Variants in WDR74 observed in about 807,000 individuals in gnomAD.
WDR74 encodes the protein WD repeat domain 74, also known as WD repeat-containing protein 74.
In WDR74, 31 loss-of-function variants were observed where a neutral mutation model predicts 45.6. The observed-to-expected ratio is 0.68, with a 90% confidence interval of 0.51 to 0.92. The LOEUF (loss-of-function observed/expected upper bound fraction) is 0.92, where lower values mean the gene tolerates loss of function less well. Among genes scored for constraint, WDR74 ranks in the 40% least tolerant of loss-of-function variants. The probability of loss-of-function intolerance (pLI) is 0.00; values close to 1 mark genes in which losing one functional copy is unlikely to be tolerated. For synonymous variants in WDR74, 191 were observed against 192.4 expected, an observed-to-expected ratio of 0.99 and a Z score of 0.06; for missense variants, 455 against 497.2, an observed-to-expected ratio of 0.92 and a Z score of 0.81.
At position 62,839,220 on chromosome 11, in the gene WDR74, C is replaced by T. The variant is rs764631164; in HGVS notation, c.187G>A (p.Ala63Thr). The part of the protein sequence containing the change: ...GGETQMLVGC[A>T]DRTVKHFSTE... Reference sequence around the variant, plus strand: ...CTGAAGTGCTTCACCGTCCTGTCCGCGCAGCCCACCAGCATCTGCGGCAAA... The same window carrying T: ...CTGAAGTGCTTCACCGTCCTGTCCGTGCAGCCCACCAGCATCTGCGGCAAA... The change falls in exon 3 of 11, where the codon GCG becomes ACG. Residue 63 changes from alanine (A) to threonine (T), a missense_variant. Ala to Thr is a moderately conservative substitution (Grantham distance 58, BLOSUM62 0). Transcript: ENST00000278856. 6.2e-7 allele frequency: 1 copy of T among 1,613,516 alleles called. No individual in the cohort carries two copies.
At chr11:62,835,178 C>T (rs993549531) in intron 6 of WDR74, 2 of 486,368 alleles carry the variant, frequency 4.1e-6, no homozygotes, top group Admixed American at 3.4e-5. Flanking sequence ...CCCTATAATT[C>T]CCACAGTGAA....
chr11:62,837,318 C>T (rs1249107024), intron 3 of WDR74, among the ~76,000 whole-genome samples: 1 of 151,826 alleles, frequency 6.6e-6, no homozygotes, highest in African/African-American at 2.4e-5. Context: ...CATAGTGAAA[C>T]CCTGTCTCTA....
Position 62,839,438 on chromosome 11 carries a change from GA to G in WDR74, c.65-11del. ...CGCTGAAGATTTACCCCTGAGAGAC[GA>G]AGGCGTCAGTCACGCCAGGGGCGCG... On this transcript the variant is annotated splice_polypyrimidine_tract_variant and intron_variant, in intron 1 of 10. Transcript: ENST00000278856. The G allele has an allele frequency of 6.2e-7, 1 of 1,613,456 alleles. No homozygotes were observed. Among genetic ancestry groups the G allele is most frequent in the Admixed American group, 1.7e-5 (1 of 60,022 alleles).
chr11:62,840,460 GCGTCAGAGACTC>G, upstream of WDR74: 1 of 151,410 alleles, frequency 6.6e-6, no homozygotes, highest in African/African-American at 2.4e-5. Context: ...TCCAGCCTGG[GCGTCAGAGACTC>G]CGTCTCAAAA....
upstream of WDR74, chr11:62,841,506 A>T (rs1291091428): frequency 2.0e-5 from 3 of 152,154 alleles, no homozygotes; most frequent in Admixed American, 6.6e-5. Context: ...GTCATTCAAC[A>T]CACTAGCGAT....
chr11:62,833,012 G>A lies in WDR74; in HGVS notation c.1098C>T (p.Pro366=). 2 of 1,610,660 alleles carry A rather than the reference G, an allele frequency of 1.2e-6. No homozygotes were observed. The highest frequency in any genetic ancestry group is 8.5e-7 in the Non-Finnish European group (1 of 1,178,600). The change falls in exon 11 of 11, where the codon CCC becomes CCT. Residue 366 remains proline (P), a synonymous_variant. Transcript: ENST00000278856. ...TCCGTCTCGTTTGGAGAGCTCCTTG[G>A]GGCTGCTCCAAACCCGAGAGCTTCC... ...AKRKLSGLEQ[P]QGALQTRRRK... is the part of the protein sequence containing the mutation.
At chr11:62,834,084 G>T in intron 8 of WDR74, 147 bp from the exon 9 acceptor site, 1 of 1,411,238 alleles carries the variant, frequency 7.1e-7, no homozygotes, top group East Asian at 2.3e-5. Context: ...CATTTCGCAG[G>T]TGAGGAAACT....
At chr11:62,834,573 T>A (rs1477201515) in intron 6 of WDR74, 46 bp from the exon 7 acceptor site, 15 of 1,535,150 alleles carry the variant, frequency 9.8e-6, no homozygotes, top group Non-Finnish European at 1.3e-5. Context: ...ACCCTGCACC[T>A]ACCCTCTGGC....
upstream of WDR74, among the ~76,000 whole-genome samples, chr11:62,841,295 C>A (rs936788270): frequency 2.0e-5 from 3 of 151,958 alleles, no homozygotes; most frequent in Middle Eastern, 6.8e-3. Flanking sequence ...CTAGCCTGGG[C>A]GACAGAGCAA....
upstream of WDR74, among the ~76,000 whole-genome samples, chr11:62,841,336 T>A (rs894111813): frequency 2.6e-5 from 4 of 151,552 alleles, no homozygotes; most frequent in Non-Finnish European, 2.9e-5. Flanking sequence ...AAATAAGAAA[T>A]AAAAATGGAA....
At chr11:62,841,471 C>G (rs767221677), upstream of WDR74, 1 of 152,224 alleles carries the variant, frequency 6.6e-6, no homozygotes, top group Non-Finnish European at 1.5e-5. Flanking sequence ...ACAAAACCTT[C>G]TCTCAACAAG....
At position 62,832,975 on chromosome 11, in the gene WDR74, G is replaced by C. The variant is rs374045598; in HGVS notation, c.1135C>G (p.Arg379Gly). Residue 379 changes from arginine (R) to glycine (G), a missense_variant, in exon 11 of 11, where the codon CGG becomes GGG. Transcript: ENST00000278856. ...ALQTRRRKKK[R>G]PGSTSP ...CGTCAGGGGCTGGTGGACCCAGGCC[G>C]CTTCTTCTTTCTCCGTCTCGTTTGG... 1 of 1,606,426 alleles carries C rather than the reference G, an allele frequency of 6.2e-7. No individual in the cohort carries two copies. The highest frequency in any genetic ancestry group is 1.3e-5 in the African/African-American group (1 of 74,350).
chr11:62,834,575 C>A, intron 6 of WDR74, 48 bp from the exon 7 acceptor site: 1 of 1,525,844 alleles, frequency 6.6e-7, no homozygotes, highest in Non-Finnish European at 8.9e-7. Flanking sequence ...CCTGCACCTA[C>A]CCTCTGGCGT....
intron 6 of WDR74, chr11:62,835,107 C>A (rs545591853): frequency 7.5e-5 from 21 of 281,244 alleles, no homozygotes; most frequent in African/African-American, 4.3e-4. Context: ...ATCAGAGAGG[C>A]TGCATCAGGA....
intron 6 of WDR74, 85 bp downstream of exon 6, chr11:62,835,346 A>C: frequency 4.8e-6 from 6 of 1,240,956 alleles, no homozygotes; most frequent in Non-Finnish European, 7.0e-6. Flanking sequence ...AATGGTGAGA[A>C]GAGCAGTTGT....
At chr11:62,834,012 CTTTCCA>C (rs1450669039) in intron 8 of WDR74, 75 bp from the exon 9 acceptor site, 1 of 1,564,414 alleles carries the variant, frequency 6.4e-7, no homozygotes, top group African/African-American at 1.4e-5. Context: ...GTTCCAATCA[CTTTCCA>C]TTTCAACATT....
chr11:62,835,332 TCAGAATGGTGAGAAGAG>T, intron 6 of WDR74, 82 bp downstream of exon 6: 1 of 1,124,806 alleles, frequency 8.9e-7, no homozygotes. Flanking sequence ...TCCTCTGAAC[TCAGAATGGTGAGAAGAG>T]CAGTTGTGTC....
chr11:62,834,390 G>GCAC, intron 7 of WDR74, 37 bp downstream of exon 7: 2 of 1,584,248 alleles, frequency 1.3e-6, no homozygotes, highest in Non-Finnish European at 8.6e-7. Context: ...CCCTTCTCAA[G>GCAC]CCCCACCCTC....
Position 62,839,558 on chromosome 11 carries a change from C to T in WDR74, c.13G>A (p.Ala5Thr), listed in dbSNP as rs778537136. The T allele has an allele frequency of 2.5e-6, 4 of 1,610,734 alleles. No homozygotes were observed. Among genetic ancestry groups the T allele is most frequent in the East Asian group, 2.2e-5 (1 of 44,878 alleles). Residue 5 changes from alanine (A) to threonine (T), a missense_variant, in exon 1 of 11, where the codon GCT becomes ACT. Transcript: ENST00000278856. MAAA[A>T]ARWNHVWVGT... ...ACCCACACATGGTTCCAGCGTGCAG[C>T]AGCAGCCGCCATGACAAAGCCTGGA... is the stretch of plus-strand genomic sequence containing the variant.
Sources: gnomAD v4.1 joint callset for allele counts (sites outside exome capture counted in the v4.1 genomes callset) on GRCh38, gnomAD v4.1.1 for gene constraint, MANE v1.5 for transcripts, NCBI Gene and HGNC (gene_info 2026-07-23, HGNC 2026-07-21) for gene names.